The following BMPR1B variants were observed in gnomAD, a reference collection of about 807,000 sequenced individuals.
BMPR1B encodes the protein bone morphogenetic protein receptor type 1B.
A neutral mutation model predicts 59.1 loss-of-function variants in BMPR1B; 12 were observed. The ratio of observed to expected loss-of-function variants is 0.20; its 90% confidence interval spans 0.13 to 0.33. The LOEUF (loss-of-function observed/expected upper bound fraction) is 0.33, where lower values mean the gene tolerates loss of function less well. Among genes scored for constraint, BMPR1B ranks in the 10% least tolerant of loss-of-function variants. The probability of loss-of-function intolerance (pLI) is 1.00; values close to 1 mark genes in which losing one functional copy is unlikely to be tolerated. For missense variants in BMPR1B, 550 were observed against 610.9 expected (o/e 0.90, Z 1.05); for synonymous variants, 237 against 207.3 (o/e 1.14, Z -1.23).
intron 2 of BMPR1B, among the ~76,000 whole-genome samples, chr4:94,909,671 C>T (rs968719766): frequency 1.3e-5 from 2 of 152,000 alleles, no homozygotes; most frequent in African/African-American, 4.8e-5. Flanking sequence ...CCTGATTTTA[C>T]ATGTTATTTA....
chr4:94,863,107 A>G (rs1006036777), intron 1 of BMPR1B, among the ~76,000 whole-genome samples: 2 of 151,876 alleles, frequency 1.3e-5, no homozygotes, highest in African/African-American at 4.8e-5. Flanking sequence ...CAAGAGTGAG[A>G]CTCGTCTCAA....
chr4:94,937,707 AACACACACACAGACACACAC>A (rs998519710), intron 2 of BMPR1B, among the ~76,000 whole-genome samples: 18 of 151,196 alleles, frequency 1.2e-4, no homozygotes, highest in Admixed American at 5.9e-4. Context: ...TATATGTATA[AACACACACACAGACACACAC>A]ACACACACAC....
intron 2 of BMPR1B, among the ~76,000 whole-genome samples, chr4:94,978,948 A>G (rs1222586992): frequency 1.7e-5 from 2 of 114,524 alleles, no homozygotes; most frequent in Admixed American, 2.1e-4. Flanking sequence ...TCACACATAC[A>G]TACACACACA....
intron 2 of BMPR1B, among the ~76,000 whole-genome samples, chr4:94,919,356 A>T (rs1287792248): frequency 6.6e-6 from 1 of 152,200 alleles, no homozygotes; most frequent in Non-Finnish European, 1.5e-5. Flanking sequence ...TAATTATGGT[A>T]AGAAGTACAT....
rs542445173 is a variant in BMPR1B at position 95,041,468 on chromosome 4, C to A, written c.-18+45334C>A. The stretch of plus-strand genomic sequence containing the variant: ...TTGCATGACACAGTGCTTATTGTTA[C>A]CTCCTCTGAATCTACAGATTTGGAA... On this transcript the variant is annotated intron_variant, in intron 3 of 12. Coordinates refer to ENST00000515059, the MANE Select transcript of BMPR1B (RefSeq NM_001203.3). Among the ~76,000 whole-genome samples, 12 of 152,274 alleles carry A rather than the reference C, an allele frequency of 7.9e-5. No homozygotes were observed. The South Asian group carries it at 8.3e-4, about 11-fold the overall frequency.
At chr4:95,115,906 C>T (rs1278759414) in intron 6 of BMPR1B, 119 bp downstream of exon 6, 8 of 901,364 alleles carry the variant, frequency 8.9e-6, no homozygotes, top group African/African-American at 6.6e-5. Flanking sequence ...GAGCAGAGCA[C>T]TGAGGCCAGA....
At chr4:94,898,093 C>T (rs534021190) in intron 2 of BMPR1B, among the ~76,000 whole-genome samples, 41 of 151,490 alleles carry the variant, frequency 2.7e-4, no homozygotes, top group African/African-American at 7.5e-4. Context: ...ACTACACGTG[C>T]ATGCTACCAT....
At chr4:94,883,294 A>T (rs1011212238) in intron 2 of BMPR1B, among the ~76,000 whole-genome samples, 3 of 152,190 alleles carry the variant, frequency 2.0e-5, no homozygotes, top group African/African-American at 7.2e-5. Flanking sequence ...TTTCTAGCCC[A>T]TAGCTTTATC....
intron 3 of BMPR1B, among the ~76,000 whole-genome samples, chr4:95,090,082 G>A (rs6816834): frequency 0.67 from 101,977 of 151,778 alleles, 34,406 homozygotes; most frequent in South Asian, 0.73. Context: ...AAACTATAAG[G>A]TTTGTCAAAT....
intron 2 of BMPR1B, among the ~76,000 whole-genome samples, chr4:94,904,884 G>A (rs1727979131): frequency 6.6e-6 from 1 of 151,918 alleles, no homozygotes; most frequent in Admixed American, 6.6e-5. Flanking sequence ...CATTCTATGT[G>A]TATACTTTAA....
In BMPR1B at chr4:94,828,146, A is replaced by G. The variant is rs367782226; in HGVS notation, c.-182-47685A>G. Among the ~76,000 whole-genome samples the G allele has an allele frequency of 4.6e-5, 7 of 152,344 alleles. No homozygotes were observed. In the South Asian group the frequency reaches 1.0e-3, roughly 23 times the overall value. On this transcript the variant is annotated intron_variant, in intron 1 of 12. Coordinates refer to ENST00000515059, the MANE Select transcript of BMPR1B (RefSeq NM_001203.3). ...TGAATTTGTGGCTTTCATTAATTCA[A>G]ATTTAAAATAGTGTTAAATTATACC...
At chr4:95,051,299 T>C (rs1339811899) in intron 3 of BMPR1B, among the ~76,000 whole-genome samples, 1 of 152,244 alleles carries the variant, frequency 6.6e-6, no homozygotes, top group Non-Finnish European at 1.5e-5. Flanking sequence ...AGAAACAAAC[T>C]ATTTTATGAC....
chr4:94,935,234 A>G (rs138367732), intron 2 of BMPR1B, among the ~76,000 whole-genome samples: 22 of 152,324 alleles, frequency 1.4e-4, no homozygotes, highest in East Asian at 1.2e-3. Context: ...TAAATTGAGT[A>G]AATCTCTTTC....
chr4:94,987,087 G>C (rs1258441198), intron 2 of BMPR1B, among the ~76,000 whole-genome samples: 2 of 139,762 alleles, frequency 1.4e-5, no homozygotes, highest in Non-Finnish European at 3.0e-5. Context: ...TGTTATATAT[G>C]TATTATATAT....
At chr4:94,823,376 G>A (rs1405676298) in intron 1 of BMPR1B, among the ~76,000 whole-genome samples, 1 of 152,176 alleles carries the variant, frequency 6.6e-6, no homozygotes, top group East Asian at 1.9e-4. Flanking sequence ...CTTCTCTCCT[G>A]GTGGGCTGCC....
chr4:94,825,457 A>G (rs1486434485), intron 1 of BMPR1B, among the ~76,000 whole-genome samples: 1 of 152,184 alleles, frequency 6.6e-6, no homozygotes, highest in East Asian at 1.9e-4. Context: ...GTGAGCTATT[A>G]TCATGCCACT....
intron 10 of BMPR1B, among the ~76,000 whole-genome samples, chr4:95,147,106 TTTATTTAAGAAAACAGGCTAGTTA>T: frequency 6.6e-6 from 1 of 152,160 alleles, no homozygotes; most frequent in Non-Finnish European, 1.5e-5. Flanking sequence ...CGTCTTAACT[TTTATTTAAGAAAACAGGCTAGTTA>T]TTATTGCACC....
At chr4:95,092,758 G>C (rs181071254) in intron 3 of BMPR1B, among the ~76,000 whole-genome samples, 117 of 146,650 alleles carry the variant, frequency 8.0e-4, no homozygotes, top group African/African-American at 2.8e-3. Flanking sequence ...ACGGTGATTT[G>C]GTTTCTGGTT....
chr4:94,989,375 G>A (rs1205957466), intron 2 of BMPR1B, among the ~76,000 whole-genome samples: 22 of 131,858 alleles, frequency 1.7e-4, no homozygotes, highest in African/African-American at 5.7e-4. Context: ...GTGACAGAGC[G>A]AGACTCCGTC....
Sources: gnomAD v4.1 joint callset for allele counts (sites outside exome capture counted in the v4.1 genomes callset) on GRCh38, gnomAD v4.1.1 for gene constraint, MANE v1.5 for transcripts, NCBI Gene and HGNC (gene_info 2026-07-23, HGNC 2026-07-21) for gene names.